TP73: variants seen among roughly 807,000 people sequenced by gnomAD.
TP73 encodes the protein p53-like transcription factor.
A neutral mutation model predicts 62.5 loss-of-function variants in TP73; 25 were observed. That is an observed-to-expected ratio of 0.40 (90% CI 0.29 to 0.56). The LOEUF is 0.56. Among genes scored for constraint, TP73 ranks in the 20% least tolerant of loss-of-function variants. TP73 has a pLI of 0.46. For synonymous variants in TP73, 423 were observed against 377.5 expected (o/e 1.12, Z -1.40); for missense variants, 754 against 913.3 (o/e 0.83, Z 2.25).
At chr1:3,686,772 C>A (rs2102111854) in intron 3 of TP73, among the ~76,000 whole-genome samples, 1 of 152,242 alleles carries the variant, frequency 6.6e-6, no homozygotes, top group East Asian at 1.9e-4. Flanking sequence ...GGCTCCGAGG[C>A]CAGGTTTGCT....
At chr1:3,684,706 TC>T (rs1487869149) in intron 3 of TP73, among the ~76,000 whole-genome samples, 1 of 151,930 alleles carries the variant, frequency 6.6e-6, no homozygotes, top group Non-Finnish European at 1.5e-5. Context: ...GGTCAATTCC[TC>T]CGAGGAGCCC....
At chr1:3,653,908 C>T (rs1644811677) in intron 1 of TP73, among the ~76,000 whole-genome samples, 2 of 152,328 alleles carry the variant, frequency 1.3e-5, no homozygotes, top group African/African-American at 2.4e-5. Flanking sequence ...CGGTAGCTCA[C>T]GCCTGTCATC....
intron 1 of TP73, chr1:3,668,628 C>T (rs1645173321): frequency 6.6e-6 from 1 of 151,918 alleles, no homozygotes; most frequent in East Asian, 1.9e-4. Flanking sequence ...TTCTTACCTG[C>T]TGGAAGCATG....
intron 2 of TP73, 150 bp downstream of exon 2, chr1:3,682,580 T>C: frequency 2.5e-6 from 2 of 792,140 alleles, no homozygotes; most frequent in South Asian, 5.9e-5. Flanking sequence ...CACTGAGACT[T>C]TGGGCTAAAC....
intron 3 of TP73, among the ~76,000 whole-genome samples, chr1:3,704,374 G>A (rs561614119): frequency 6.6e-6 from 1 of 152,292 alleles, no homozygotes; most frequent in African/African-American, 2.4e-5. Flanking sequence ...ACTGGGCTCA[G>A]GTCCATCCAC....
Position 3,734,359 on chromosome 1 carries a change from C to T in TP73, c.*1280C>T, listed in dbSNP as rs1050642011. The T allele has an allele frequency of 2.0e-5, 3 of 152,218 alleles. No homozygotes were observed. The highest frequency in any genetic ancestry group is 6.5e-5 in the Admixed American group (1 of 15,280). The allele number at this position is 152,218 out of a possible 1,614,324, so 9.4% of individuals were successfully genotyped here. On this transcript the variant is annotated 3_prime_UTR_variant, in exon 14 of 14. Transcript: ENST00000378295. The surrounding 1 kb of genome is among the most constrained non-coding windows in gnomAD (Gnocchi z 4.4). ...TGAGCCTTGGTGGCCGAACCTTGAC[C>T]GTCCCGGAGCACAGCTTCAGGGCAG...
chr1:3,730,784 A>C (rs1428983704), intron 11 of TP73, 143 bp from the exon 12 acceptor site: 20 of 1,152,502 alleles, frequency 1.7e-5, no homozygotes, highest in Non-Finnish European at 2.4e-5. Context: ...TCAAGCCTCT[A>C]GCTGGCAGGG....
In TP73 at chr1:3,733,145, G is replaced by A. The variant is rs1642269277; in HGVS notation, c.*66G>A. ...CCAAGCTGCCTCCCCTCTCCTTCCT[G>A]TGTGTCCAAAACTGCCTCAGGAGGC... is the stretch of plus-strand genomic sequence containing the variant. On this transcript the variant is annotated 3_prime_UTR_variant, in exon 14 of 14. Coordinates refer to ENST00000378295, the MANE Select transcript of TP73 (RefSeq NM_005427.4). 1 of 1,461,202 alleles carries A rather than the reference G, an allele frequency of 6.8e-7. No individual in the cohort carries two copies. The highest frequency in any genetic ancestry group is 1.4e-5 in the African/African-American group (1 of 71,290). The allele number at this position is 1,461,202 out of a possible 1,614,324, so 90.5% of individuals were successfully genotyped here.
At chr1:3,659,604 A>G (rs189598967) in intron 1 of TP73, among the ~76,000 whole-genome samples, 467 of 152,306 alleles carry the variant, frequency 3.1e-3, no homozygotes, top group Middle Eastern at 0.014. Context: ...GGGGCGCACA[A>G]TATGGCTTTC....
intron 4 of TP73, among the ~76,000 whole-genome samples, chr1:3,710,221 G>A (rs965980990): frequency 6.6e-6 from 1 of 151,172 alleles, no homozygotes; most frequent in Non-Finnish European, 1.5e-5. Context: ...GGGGGGGCGC[G>A]AACTGGGGAG....
At chr1:3,667,785 G>GA (rs1240360096) in intron 1 of TP73, among the ~76,000 whole-genome samples, 1 of 151,570 alleles carries the variant, frequency 6.6e-6, no homozygotes, top group Non-Finnish European at 1.5e-5. Context: ...AAGTAAAAAA[G>GA]AAAAAAAGGA....
chr1:3,722,559 C>T (rs1286559155), intron 5 of TP73, among the ~76,000 whole-genome samples: 3 of 152,234 alleles, frequency 2.0e-5, no homozygotes, highest in Non-Finnish European at 2.9e-5. Flanking sequence ...AGCCACTGGG[C>T]AGGCACCCCC....
chr1:3,713,674 G>A (rs190744921), intron 4 of TP73, among the ~76,000 whole-genome samples: 1 of 152,170 alleles, frequency 6.6e-6, no homozygotes, highest in Non-Finnish European at 1.5e-5. Flanking sequence ...GGCCCTGAGC[G>A]ACCTCCAGAC....
At chr1:3,668,977 C>T (rs1645181418) in intron 1 of TP73, among the ~76,000 whole-genome samples, 1 of 152,222 alleles carries the variant, frequency 6.6e-6, no homozygotes, top group African/African-American at 2.4e-5. Flanking sequence ...CCCAGGGCTC[C>T]AGGCCATGCT....
rs1056471842 is a variant in TP73, at chr1:3,666,789, G to A, written c.-34+14148G>A. Reference sequence around the variant, plus strand: ...GCAGACGCGACTCAGTGCCATGCGGGCGTCTCTCCCAGGGCGGCTTTCAGA... The same window carrying A: ...GCAGACGCGACTCAGTGCCATGCGGACGTCTCTCCCAGGGCGGCTTTCAGA... On this transcript the variant is annotated intron_variant, in intron 1 of 13. Coordinates refer to ENST00000378295, the MANE Select transcript of TP73 (RefSeq NM_005427.4). The surrounding 1 kb of genome is among the most constrained non-coding windows in gnomAD (Gnocchi z 6.4). 6.6e-6 allele frequency among the ~76,000 whole-genome samples: 1 copy of A among 152,198 alleles called. No individual in the cohort carries two copies. The highest frequency in any genetic ancestry group is 1.9e-4 in the East Asian group (1 of 5,198).
intron 1 of TP73, among the ~76,000 whole-genome samples, chr1:3,654,986 C>T (rs777872393): frequency 6.6e-6 from 1 of 152,266 alleles, no homozygotes; most frequent in Non-Finnish European, 1.5e-5. Flanking sequence ...GGACGAGGCC[C>T]TGCCCTTGCC....
intron 4 of TP73, among the ~76,000 whole-genome samples, chr1:3,718,488 C>T (rs965401658): frequency 6.6e-6 from 1 of 152,136 alleles, no homozygotes; most frequent in Non-Finnish European, 1.5e-5. Flanking sequence ...CACTGCTGAC[C>T]CTGAGGCCCA....
intron 1 of TP73, among the ~76,000 whole-genome samples, chr1:3,661,908 T>A (rs1485179559): frequency 6.6e-6 from 1 of 150,580 alleles, no homozygotes; most frequent in East Asian, 1.9e-4. Flanking sequence ...TTATTTTTTT[T>A]AATTAGCTGG....
intron 4 of TP73, chr1:3,708,206 C>T: frequency 4.8e-6 from 1 of 207,344 alleles, no homozygotes; most frequent in South Asian, 1.1e-4. Flanking sequence ...AACCTGCCTC[C>T]TCCAGGCAGC....
Sources: allele counts gnomAD v4.1 joint callset (sites outside exome capture counted in the v4.1 genomes callset), GRCh38; gene constraint gnomAD v4.1.1; non-coding constraint Gnocchi (gnomAD v3.1); transcripts MANE v1.5; gene names NCBI Gene and HGNC (gene_info 2026-07-23, HGNC 2026-07-21).